Variants in SEC24A observed in about 807,000 individuals in gnomAD.
SEC24A encodes the protein protein transport protein Sec24A.
SEC24A carries 93 observed loss-of-function variants against 129.4 expected under a neutral mutation model. That is an observed-to-expected ratio of 0.72 (90% CI 0.61 to 0.85). SEC24A has a LOEUF of 0.85. Ranked by LOEUF, SEC24A falls within the 40% of genes least tolerant of loss-of-function variation. SEC24A has a pLI of 0.00. For synonymous variants in SEC24A, 460 were observed against 467.3 expected, an observed-to-expected ratio of 0.98 and a Z score of 0.20; for missense variants, 1,264 against 1,307.4, an observed-to-expected ratio of 0.97 and a Z score of 0.51.
intron 13 of SEC24A, among the ~76,000 whole-genome samples, chr5:134,695,175 A>G (rs748881391): frequency 6.6e-6 from 1 of 151,744 alleles, no homozygotes; most frequent in Non-Finnish European, 1.5e-5. Flanking sequence ...TTTGAGACCA[A>G]TCTGGGCAAC....
intron 12 of SEC24A, chr5:134,693,224 A>G (rs746288108): frequency 3.3e-6 from 5 of 1,496,508 alleles, no homozygotes; most frequent in Non-Finnish European, 4.4e-6. Flanking sequence ...TGACTGTGCC[A>G]TAGTGCGAAG....
At chr5:134,672,684 C>T (rs1750908336) in intron 4 of SEC24A, among the ~76,000 whole-genome samples, 1 of 151,862 alleles carries the variant, frequency 6.6e-6, no homozygotes, top group African/African-American at 2.4e-5. Context: ...AGTTTTTCTT[C>T]TGTCAGAATT....
chr5:134,688,694 T>G (rs1321150239), intron 11 of SEC24A, among the ~76,000 whole-genome samples: 1 of 152,088 alleles, frequency 6.6e-6, no homozygotes, highest in African/African-American at 2.4e-5. Flanking sequence ...TTTATTTATT[T>G]ATTGAGATGG....
At chr5:134,700,080 A>G (rs1751959782) in intron 15 of SEC24A, among the ~76,000 whole-genome samples, 1 of 150,034 alleles carries the variant, frequency 6.7e-6, no homozygotes, top group Admixed American at 6.7e-5. Context: ...TTTTTTTTCC[A>G]TTGCTGCTGC....
intron 2 of SEC24A, among the ~76,000 whole-genome samples, chr5:134,662,609 G>A (rs975561200): frequency 1.6e-4 from 24 of 152,064 alleles, no homozygotes; most frequent in Admixed American, 7.9e-4. Context: ...ACTCCATCAG[G>A]CTTGTAAATT....
intron 13 of SEC24A, among the ~76,000 whole-genome samples, chr5:134,696,523 G>T (rs1751829273): frequency 6.6e-6 from 1 of 151,874 alleles, no homozygotes; most frequent in African/African-American, 2.4e-5. Context: ...TTTTCAGACG[G>T]AGTCTCGCTC....
intron 19 of SEC24A, among the ~76,000 whole-genome samples, chr5:134,717,796 T>A (rs1752520662): frequency 6.6e-6 from 1 of 151,796 alleles, no homozygotes; most frequent in South Asian, 2.1e-4. Context: ...ATGCCTGTAA[T>A]CCCAGCTACT....
At chr5:134,705,084 A>AT (rs1271587849) in intron 16 of SEC24A, among the ~76,000 whole-genome samples, 13 of 129,000 alleles carry the variant, frequency 1.0e-4, no homozygotes, top group South Asian at 2.7e-4. Flanking sequence ...ATATATATAT[A>AT]TATATATTTT....
chr5:134,675,041 G>A lies in SEC24A; in HGVS notation c.979-4G>A. ...TTACTTACTTTAAAATTATGTATCT[G>A]TAGACTCCCTTAGGTGCTAATCATT... On this transcript the variant is annotated splice_polypyrimidine_tract_variant and splice_region_variant and intron_variant, in intron 5 of 22. Coordinates refer to ENST00000398844, the MANE Select transcript of SEC24A (RefSeq NM_021982.3). 6.4e-7 allele frequency: 1 copy of A among 1,574,478 alleles called. No homozygotes were observed. The highest frequency in any genetic ancestry group is 8.6e-7 in the Non-Finnish European group (1 of 1,156,460).
chr5:134,660,575 C>CTT (rs551519421), intron 1 of SEC24A, among the ~76,000 whole-genome samples: 4 of 139,316 alleles, frequency 2.9e-5, no homozygotes, highest in Non-Finnish European at 6.3e-5. Flanking sequence ...TTTAGTCCAT[C>CTT]TTTTTTTTTT....
chr5:134,693,347 C>G (rs1751720203), intron 12 of SEC24A: 3 of 1,370,170 alleles, frequency 2.2e-6, no homozygotes, highest in Non-Finnish European at 2.8e-6. Context: ...AGATTTGCAA[C>G]AGGGAAGAGC....
At chr5:134,692,581 A>C in intron 11 of SEC24A, 21 bp from the exon 12 acceptor site, 1 of 1,132,776 alleles carries the variant, frequency 8.8e-7, no homozygotes, top group Non-Finnish European at 1.3e-6. Context: ...GTTTAAAATA[A>C]ATATGTATTT....
chr5:134,695,445 A>C (rs1016197513), intron 13 of SEC24A, among the ~76,000 whole-genome samples: 2 of 152,074 alleles, frequency 1.3e-5, no homozygotes, highest in Non-Finnish European at 1.5e-5. Context: ...TGAGGTCAGG[A>C]GTTCGAGACC....
At chr5:134,678,602 A>G (rs765956609) in intron 7 of SEC24A, among the ~76,000 whole-genome samples, 1 of 151,740 alleles carries the variant, frequency 6.6e-6, no homozygotes, top group Admixed American at 6.6e-5. Flanking sequence ...TATTTCCAAG[A>G]TGGAGTCTTG....
In SEC24A at chr5:134,705,108, A is replaced by T. The variant is rs141049928; in HGVS notation, c.2441-219A>T. Among the ~76,000 whole-genome samples the T allele has an allele frequency of 0.047, 6,221 of 131,020 alleles. 265 individuals carry two copies. The highest frequency in any genetic ancestry group is 0.12 in the African/African-American group (4,294 of 35,080). The allele number at this position is 131,020 out of a possible 152,430, so 86.0% of individuals were successfully genotyped here. ...TATATATATTTTTTTTTTTTTAATT[A>T]ATTTATTTTTTTTTAAGAGATGGAG... On this transcript the variant is annotated intron_variant, in intron 16 of 22. Coordinates refer to ENST00000398844, the MANE Select transcript of SEC24A (RefSeq NM_021982.3).
chr5:134,650,761 TTTTGTTTGTTTGTTTG>T (rs57886709), intron 1 of SEC24A, among the ~76,000 whole-genome samples: 6 of 151,748 alleles, frequency 4.0e-5, no homozygotes, highest in Non-Finnish European at 8.8e-5. Context: ...CTACAGGGTT[TTTTGTTTGTTTGTTTG>T]TTTGTTTGTT....
Position 134,679,596 on chromosome 5 carries a change from TTC to T in SEC24A, c.1255-5_1255-4del. 1 of 1,552,132 alleles carries T rather than the reference TTC, an allele frequency of 6.4e-7. No homozygotes were observed. Among genetic ancestry groups the T allele is most frequent in the Non-Finnish European group, 8.7e-7 (1 of 1,144,498 alleles). On this transcript the variant is annotated splice_region_variant and splice_polypyrimidine_tract_variant and intron_variant, in intron 7 of 22. Transcript: ENST00000398844. ...TAAAAATTTAATTCTGTTTTTTTTT[TTC>T]CAGCAATTGCCTGTGGTTACCTCCA...
At chr5:134,708,572 T>C in intron 17 of SEC24A, 141 bp from the exon 18 acceptor site, 1 of 693,986 alleles carries the variant, frequency 1.4e-6, no homozygotes, top group East Asian at 2.8e-5. Context: ...TTTTAGCTGC[T>C]GTGTTTTGTC....
intron 1 of SEC24A, among the ~76,000 whole-genome samples, chr5:134,652,799 G>T (rs1338015444): frequency 6.6e-6 from 1 of 151,522 alleles, no homozygotes; most frequent in African/African-American, 2.4e-5. Context: ...TTTTGTTTTT[G>T]TTTTTGTTTT....
Sources: gnomAD v4.1 joint callset for allele counts (sites outside exome capture counted in the v4.1 genomes callset) on GRCh38, gnomAD v4.1.1 for gene constraint, MANE v1.5 for transcripts, NCBI Gene and HGNC (gene_info 2026-07-23, HGNC 2026-07-21) for gene names.